FUCA1: variants seen among roughly 807,000 people sequenced by gnomAD.
The protein encoded by FUCA1 is tissue alpha-L-fucosidase.
FUCA1 carries 52 observed loss-of-function variants against 56.8 expected under a neutral mutation model. The observed-to-expected ratio is 0.92, with a 90% CI of 0.73 to 1.15. FUCA1 has a LOEUF of 1.15. Among genes scored for constraint, FUCA1 ranks in the 50% most tolerant of loss-of-function variants. The probability of loss-of-function intolerance (pLI) is 0.00; values close to 1 mark genes in which losing one functional copy is unlikely to be tolerated. For synonymous variants in FUCA1, 230 were observed against 226.6 expected (o/e 1.02, Z -0.14); for missense variants, 568 against 592.6 (o/e 0.96, Z 0.43).
intron 3 of FUCA1, among the ~76,000 whole-genome samples, chr1:23,862,549 CCCAGGCT>C (rs1338057243): frequency 3.3e-5 from 5 of 152,108 alleles, no homozygotes. Flanking sequence ...TCTATGAGTC[CCCAGGCT>C]CGAGAAAGGC....
chr1:23,855,408 A>C (rs976017337), intron 4 of FUCA1, among the ~76,000 whole-genome samples: 3 of 152,212 alleles, frequency 2.0e-5, no homozygotes, highest in African/African-American at 7.2e-5. Flanking sequence ...GAGGCAGGAG[A>C]ATCGCTTGAA....
At chr1:23,860,500 C>A (rs554213304) in intron 3 of FUCA1, among the ~76,000 whole-genome samples, 2 of 148,214 alleles carry the variant, frequency 1.3e-5, no homozygotes, top group African/African-American at 5.0e-5. Flanking sequence ...AGGAGAATGG[C>A]GTGAACCTGG....
chr1:23,863,293 G>C lies in FUCA1; in HGVS notation c.525-22C>G, dbSNP rs778065200. On this transcript the variant is annotated intron_variant, in intron 2 of 7. Coordinates refer to ENST00000374479, the MANE Select transcript of FUCA1 (RefSeq NM_000147.5). ...GTTCCTTAAACAGAAAAACAGAACA[G>C]CAACTGTCATTAAGCATAGAACAAA... 27 of 1,609,482 alleles carry C rather than the reference G, an allele frequency of 1.7e-5. No homozygotes were observed. In the Admixed American group the frequency reaches 2.3e-4, roughly 14 times the overall value.
chr1:23,856,604 G>A (rs1334790043), intron 4 of FUCA1, among the ~76,000 whole-genome samples: 1 of 152,196 alleles, frequency 6.6e-6, no homozygotes, highest in African/African-American at 2.4e-5. Context: ...AGAAATGAAG[G>A]AGAATCTACA....
Position 23,846,106 on chromosome 1 carries a change from G to A in FUCA1, c.1228C>T (p.Leu410Phe), listed in dbSNP as rs1302128856. 2 of 1,613,940 alleles carry A rather than the reference G, an allele frequency of 1.2e-6. No homozygotes were observed. The highest frequency in any genetic ancestry group is 1.7e-6 in the Non-Finnish European group (2 of 1,179,858). Residue 410 changes from leucine to phenylalanine, a missense_variant, in exon 7 of 8, where the codon CTT (leucine) becomes TTT (phenylalanine). Leu to Phe is a conservative substitution (Grantham distance 22). Coordinates refer to ENST00000374479, the MANE Select transcript of FUCA1 (RefSeq NM_000147.5). ...GTTGAGGTAGTTATGGGGGATTCAA[G>A]GTTTAAGACTCCATTTTCTGGCCAG... ...LHWPENGVLN[L>F]ESPITTSTTK...
chr1:23,853,008 C>T (rs1202700044), intron 5 of FUCA1, among the ~76,000 whole-genome samples: 11 of 147,984 alleles, frequency 7.4e-5, no homozygotes, highest in Admixed American at 2.0e-4. Context: ...TCTGCCCGGC[C>T]GCCATCCCAT....
At chr1:23,851,745 A>T (rs1639263463) in intron 5 of FUCA1, among the ~76,000 whole-genome samples, 1 of 152,166 alleles carries the variant, frequency 6.6e-6, no homozygotes, top group Non-Finnish European at 1.5e-5. Context: ...TTCTTAGCAA[A>T]CTAACACAGG....
chr1:23,867,864 G>A lies in FUCA1; in HGVS notation c.389+34C>T, dbSNP rs534723096. The A allele has an allele frequency of 2.0e-6, 3 of 1,530,124 alleles. No individual in the cohort carries two copies. The East Asian group carries it at 7.5e-5, about 38-fold the overall frequency. 94.8% of individuals were successfully genotyped at this position (1,530,124 alleles called of 1,614,324 possible). A position where few individuals can be genotyped will look rare whatever the true frequency, so the allele number is the denominator to read the frequency against. The stretch of plus-strand genomic sequence containing the variant: ...CCACCTCCTGTTTGCCGCCCGAGCC[G>A]GGAAGGGGCGCCGCTCCCCGGGACC... On this transcript the variant is annotated intron_variant, in intron 1 of 7. Coordinates refer to ENST00000374479, the MANE Select transcript of FUCA1 (RefSeq NM_000147.5). This position sits in a 1 kb window ranked among gnomAD's most constrained non-coding sequence, Gnocchi z 4.9.
intron 2 of FUCA1, among the ~76,000 whole-genome samples, 165 bp from the exon 3 acceptor site, chr1:23,863,436 C>T (rs1478684186): frequency 6.6e-6 from 1 of 152,240 alleles, no homozygotes; most frequent in Admixed American, 6.5e-5. Flanking sequence ...TCACTATTCA[C>T]TTAAGCAAAA....
intron 5 of FUCA1, among the ~76,000 whole-genome samples, chr1:23,850,400 TGTCTTCTTCTA>T (rs1639231370): frequency 6.6e-6 from 1 of 152,048 alleles, no homozygotes; most frequent in Non-Finnish European, 1.5e-5. Flanking sequence ...TAACTTTTGA[TGTCTTCTTCTA>T]GTCTTTTTCC....
chr1:23,858,188 C>T (rs1639433311), intron 4 of FUCA1, among the ~76,000 whole-genome samples: 1 of 152,146 alleles, frequency 6.6e-6, no homozygotes, highest in African/African-American at 2.4e-5. Context: ...CCTCAGCCTC[C>T]TGAGCAGCTG....
In FUCA1 at chr1:23,863,250, G is replaced by A. The variant is rs541724746; in HGVS notation, c.546C>T (p.Tyr182=). Residue 182 remains tyrosine, a synonymous_variant, in exon 3 of 8, where the codon TAC becomes TAT. Transcript: ENST00000374479. ...LRKRNIRYGL[Y]HSLLEWFHPL... ...GATGGAACCACTCTAAGAGTGAGTG[G>A]TATAGTCCATAGCGGATGTTCCTTA... 5 of 1,613,298 alleles carry A rather than the reference G, an allele frequency of 3.1e-6. No homozygotes were observed. In the African/African-American group the frequency reaches 6.7e-5, roughly 22 times the overall value.
intron 6 of FUCA1, among the ~76,000 whole-genome samples, chr1:23,848,050 A>C (rs1639177674): frequency 6.6e-6 from 1 of 152,052 alleles, no homozygotes; most frequent in African/African-American, 2.4e-5. Context: ...ATAAAAATCC[A>C]GCCTGTGGGA....
chr1:23,859,996 G>A (rs759629162), intron 3 of FUCA1, 93 bp from the exon 4 acceptor site: 35 of 793,574 alleles, frequency 4.4e-5, no homozygotes, highest in South Asian at 1.7e-4. Flanking sequence ...ATGGGGTTTC[G>A]CTATGTTGCC....
chr1:23,858,614 G>A (rs573739087), intron 4 of FUCA1, among the ~76,000 whole-genome samples: 1 of 152,196 alleles, frequency 6.6e-6, no homozygotes, highest in Non-Finnish European at 1.5e-5. Context: ...TTCCCCCAAG[G>A]ATTTGGATAT....
rs186546348 is a variant in FUCA1, at chr1:23,851,024, C to T, written c.970-2185G>A. ...GAACTCCTGGCCTCAAAGGATCCTC[C>T]CACCTTGGCCTCCTAAAGTGTTGGC... On this transcript the variant is annotated intron_variant, in intron 5 of 7. Transcript: ENST00000374479. Among the ~76,000 whole-genome samples the T allele has an allele frequency of 2.9e-3, 438 of 152,088 alleles. 5 individuals are homozygous for T. The highest frequency in any genetic ancestry group is 9.6e-3 in the African/African-American group (400 of 41,490).
At chr1:23,853,584 C>T (rs1290811758) in intron 5 of FUCA1, among the ~76,000 whole-genome samples, 6 of 151,740 alleles carry the variant, frequency 4.0e-5, no homozygotes, top group African/African-American at 1.5e-4. Context: ...TCATTGAGAA[C>T]GGGCCATGAT....
Position 23,865,577 on chromosome 1 carries a change from C to T in FUCA1, c.438G>A (p.Pro146=), listed in dbSNP as rs766878135. Residue 146 remains proline, a synonymous_variant, in exon 2 of 8, where the codon CCG becomes CCA. Coordinates refer to ENST00000374479, the MANE Select transcript of FUCA1 (RefSeq NM_000147.5). ...TKHHEGFTNW[P]SPVSWNWNSK... Reference sequence around the variant, plus strand: ...AGTTCCAGTTCCAAGACACAGGACTCGGCCAGTTTGTGAAGCCTTCGTGAT... The same window carrying T: ...AGTTCCAGTTCCAAGACACAGGACTTGGCCAGTTTGTGAAGCCTTCGTGAT... 5.5e-5 allele frequency: 89 copies of T among 1,614,096 alleles called. 1 individual carries two copies. The highest frequency in any genetic ancestry group is 3.3e-4 in the South Asian group (30 of 91,092).
At chr1:23,852,207 G>A (rs1639276749) in intron 5 of FUCA1, among the ~76,000 whole-genome samples, 1 of 151,706 alleles carries the variant, frequency 6.6e-6, no homozygotes, top group Admixed American at 6.6e-5. Flanking sequence ...GATCTCTTGA[G>A]GCCAGGAGTT....
Sources: allele counts gnomAD v4.1 joint callset (sites outside exome capture counted in the v4.1 genomes callset), GRCh38; gene constraint gnomAD v4.1.1; non-coding constraint Gnocchi (gnomAD v3.1); transcripts MANE v1.5; gene names NCBI Gene and HGNC (gene_info 2026-07-23, HGNC 2026-07-21).